The following GFOD1 variants were observed in gnomAD, a reference collection of about 807,000 sequenced individuals.
The protein encoded by GFOD1 is Gfo/Idh/MocA-like oxidoreductase domain containing 1.
GFOD1 carries 9 observed loss-of-function variants against 25.4 expected under a neutral mutation model. That is an observed-to-expected ratio of 0.35 (90% CI 0.21 to 0.62). GFOD1 has a LOEUF of 0.62. Ranked by LOEUF, GFOD1 falls within the 20% of genes least tolerant of loss-of-function variation. GFOD1 has a pLI of 0.72. For missense variants in GFOD1, 403 were observed against 556.9 expected, an observed-to-expected ratio of 0.72 and a Z score of 2.78; for synonymous variants, 253 against 245.6, an observed-to-expected ratio of 1.03 and a Z score of -0.28.
chr6:13,425,808 T>G (rs9370104), intron 1 of GFOD1, among the ~76,000 whole-genome samples: 1 of 150,784 alleles, frequency 6.6e-6, no homozygotes, highest in African/African-American at 2.5e-5. Context: ...CTGGGCCACA[T>G]TGGAAGAAGA....
intron 1 of GFOD1, among the ~76,000 whole-genome samples, chr6:13,433,363 C>A (rs1025914656): frequency 6.6e-6 from 1 of 152,202 alleles, no homozygotes; most frequent in East Asian, 1.9e-4. Context: ...AGATCATCTA[C>A]CTGCCTTGGC....
chr6:13,424,306 T>G (rs1243074777), intron 1 of GFOD1, among the ~76,000 whole-genome samples: 1 of 152,238 alleles, frequency 6.6e-6, no homozygotes. Context: ...GTTCTGGGTA[T>G]GCTCATTTCT....
At chr6:13,401,075 A>G (rs1182294515) in intron 1 of GFOD1, among the ~76,000 whole-genome samples, 1 of 152,230 alleles carries the variant, frequency 6.6e-6, no homozygotes, top group Non-Finnish European at 1.5e-5. Flanking sequence ...CTTTCTATAA[A>G]GTGAGGTGCG....
At chr6:13,446,981 T>C (rs1267354892) in intron 1 of GFOD1, among the ~76,000 whole-genome samples, 1 of 152,208 alleles carries the variant, frequency 6.6e-6, no homozygotes, top group Non-Finnish European at 1.5e-5. Context: ...GGCTCATCTG[T>C]AAGGGATGCT....
At chr6:13,474,119 C>T (rs1198041943) in intron 1 of GFOD1, among the ~76,000 whole-genome samples, 3 of 152,194 alleles carry the variant, frequency 2.0e-5, no homozygotes, top group Non-Finnish European at 1.5e-5. Context: ...GTGGCTCTCG[C>T]CTGTAATCCC....
intron 1 of GFOD1, among the ~76,000 whole-genome samples, chr6:13,385,870 T>G: frequency 6.6e-6 from 1 of 152,206 alleles, no homozygotes; most frequent in East Asian, 1.9e-4. Context: ...CAGTGAATTA[T>G]TCCCCTTCAG....
chr6:13,421,166 G>A (rs1240412912), intron 1 of GFOD1, among the ~76,000 whole-genome samples: 2 of 152,122 alleles, frequency 1.3e-5, no homozygotes, highest in Non-Finnish European at 2.9e-5. Context: ...TTCTGTTGGT[G>A]TTATCACATG....
chr6:13,437,372 C>T (rs142166243), intron 1 of GFOD1, among the ~76,000 whole-genome samples: 2 of 152,302 alleles, frequency 1.3e-5, no homozygotes, highest in African/African-American at 4.8e-5. Flanking sequence ...GAAATCCCTC[C>T]ACACTCCCTC....
chr6:13,413,604 G>T (rs1322916492), intron 1 of GFOD1, among the ~76,000 whole-genome samples: 1 of 152,172 alleles, frequency 6.6e-6, no homozygotes, highest in South Asian at 2.1e-4. Context: ...AGGCTGAAAA[G>T]AATGTATGAG....
chr6:13,406,519 AAAG>A (rs1304954723), intron 1 of GFOD1, among the ~76,000 whole-genome samples: 1 of 152,250 alleles, frequency 6.6e-6, no homozygotes, highest in Non-Finnish European at 1.5e-5. Context: ...GGGAGGGCAG[AAAG>A]AAGAGAGCGA....
At chr6:13,404,004 A>G (rs562248004) in intron 1 of GFOD1, among the ~76,000 whole-genome samples, 1 of 152,236 alleles carries the variant, frequency 6.6e-6, no homozygotes, top group Admixed American at 6.5e-5. Context: ...GTGGGAAGTT[A>G]TAGATGAAAT....
intron 1 of GFOD1, among the ~76,000 whole-genome samples, chr6:13,398,441 C>T (rs1182002977): frequency 1.3e-5 from 2 of 152,188 alleles, no homozygotes; most frequent in Non-Finnish European, 2.9e-5. Context: ...TAGCAAAGCT[C>T]ATTAAAGTAT....
intron 1 of GFOD1, among the ~76,000 whole-genome samples, chr6:13,460,761 A>C (rs1043759011): frequency 7.0e-6 from 1 of 143,486 alleles, no homozygotes; most frequent in African/African-American, 2.5e-5. Flanking sequence ...GTTGATAGGT[A>C]CAGCAAACCA....
Position 13,364,914 on chromosome 6 carries a change from G to T in GFOD1, c.1002C>A (p.Ala334=). The T allele has an allele frequency of 1.2e-6, 2 of 1,613,172 alleles. No homozygotes were observed. Among genetic ancestry groups the T allele is most frequent in the East Asian group, 2.2e-5 (1 of 44,874 alleles). Residue 334 remains alanine, a synonymous_variant, in exon 2 of 2, where the codon GCC becomes GCA. Transcript: ENST00000379287. This position sits in a 1 kb window ranked among gnomAD's most constrained non-coding sequence, Gnocchi z 4.1. ...RTWDGRPLTM[A]ATFDDCLYAL... is the part of the protein sequence containing the mutation. ...CATACAGGCAGTCGTCGAAGGTGGC[G>T]GCCATGGTGAGGGGCCGCCCATCCC...
At chr6:13,392,343 C>CAAAAAAAAAAA (rs1035923592) in intron 1 of GFOD1, among the ~76,000 whole-genome samples, 1 of 61,520 alleles carries the variant, frequency 1.6e-5, no homozygotes, top group Non-Finnish European at 3.3e-5. Flanking sequence ...GACCCTATCT[C>CAAAAAAAAAAA]AAAAAAAAAA....
At chr6:13,378,257 CAT>C (rs1348673473) in intron 1 of GFOD1, among the ~76,000 whole-genome samples, 1 of 152,184 alleles carries the variant, frequency 6.6e-6, no homozygotes, top group Non-Finnish European at 1.5e-5. Context: ...CCATTTTTCA[CAT>C]GAGTGGAATG....
In GFOD1 at chr6:13,364,981, G is replaced by A; in HGVS notation, c.935C>T (p.Ala312Val). 1.2e-6 allele frequency: 2 copies of A among 1,610,230 alleles called. No homozygotes were observed. The highest frequency in any genetic ancestry group is 1.7e-6 in the Non-Finnish European group (2 of 1,179,776). The change falls in exon 2 of 2, where the codon GCG becomes GTG. Residue 312 changes from alanine (A) to valine (V), a missense_variant. Ala to Val is a moderately conservative substitution (Grantham distance 64, BLOSUM62 0). Transcript: ENST00000379287. The surrounding 1 kb of genome is among the most constrained non-coding windows in gnomAD (Gnocchi z 4.1). ...CTGGTCCTGGAAGGCCTGGCGCACC[G>A]CCTGCATCATCTTGATGGTGCCGCG... is the stretch of plus-strand genomic sequence containing the variant. Reference protein sequence around the residue: ...YLRGTIKMMQAVRQAFQDQDD... With the variant: ...YLRGTIKMMQVVRQAFQDQDD...
In GFOD1 at chr6:13,363,302, G is replaced by A. The variant is rs1213322502; in HGVS notation, c.*1441C>T. Reference sequence around the variant, plus strand: ...CTGCCTGCTCCCAGCCTGCAGTTCAGCATCTCTAACAAAACTCTGTAAGCA... The same window carrying A: ...CTGCCTGCTCCCAGCCTGCAGTTCAACATCTCTAACAAAACTCTGTAAGCA... On this transcript the variant is annotated 3_prime_UTR_variant, in exon 2 of 2. Coordinates refer to ENST00000379287, the MANE Select transcript of GFOD1 (RefSeq NM_018988.4). The A allele has an allele frequency of 6.6e-6, 1 of 152,060 alleles. No homozygotes were observed. Among genetic ancestry groups the A allele is most frequent in the Non-Finnish European group, 1.5e-5 (1 of 68,056 alleles). 9.4% of individuals were successfully genotyped at this position (152,060 alleles called of 1,614,324 possible).
At chr6:13,413,773 C>T (rs558413014) in intron 1 of GFOD1, among the ~76,000 whole-genome samples, 2 of 152,350 alleles carry the variant, frequency 1.3e-5, no homozygotes, top group Admixed American at 6.5e-5. Context: ...CAAAGCCAAA[C>T]AAACAGCTTG....
Sources: allele counts gnomAD v4.1 joint callset (sites outside exome capture counted in the v4.1 genomes callset), GRCh38; gene constraint gnomAD v4.1.1; non-coding constraint Gnocchi (gnomAD v3.1); transcripts MANE v1.5; gene names NCBI Gene and HGNC (gene_info 2026-07-23, HGNC 2026-07-21).